C11orf68: variants seen among roughly 807,000 people sequenced by gnomAD.
C11orf68 encodes chromosome 11 open reading frame 68.
Under a neutral mutation model 4.7 loss-of-function variants are expected in C11orf68, and 3 were observed. The observed-to-expected ratio is 0.64, with a 90% CI of 0.29 to 1.66. C11orf68 has a LOEUF of 1.66. Among genes scored for constraint, C11orf68 ranks in the 40% most tolerant of loss-of-function variants. C11orf68 has a pLI of 0.10. For missense variants in C11orf68, 422 were observed against 408.0 expected (o/e 1.03, Z -0.30); for synonymous variants, 186 against 167.8 (o/e 1.11, Z -0.84).
chr11:65,919,024 G>A lies in C11orf68; in HGVS notation c.8C>T (p.Ala3Val), dbSNP rs1286896979. Residue 3 changes from alanine to valine, a missense_variant, in exon 1 of 2, where the codon GCG becomes GTG. Ala to Val is a moderately conservative substitution (Grantham distance 64). Coordinates refer to ENST00000438576, the MANE Select transcript of C11orf68 (RefSeq NM_001135635.2). ...CCCCGCCACGGCCGCCGCCGCCGCC[G>A]CCGCCATCTTAGCGCCGCGCCACCT... The part of the protein sequence containing the change: MA[A>V]AAAAAVAGVG... 6.2e-6 allele frequency: 7 copies of A among 1,137,940 alleles called. No homozygotes were observed. The highest frequency in any genetic ancestry group is 7.5e-6 in the Non-Finnish European group (7 of 933,356). 70.5% of individuals were successfully genotyped at this position (1,137,940 alleles called of 1,614,324 possible). A position where few individuals can be genotyped will look rare whatever the true frequency, so the allele number is the denominator to read the frequency against.
intron 1 of C11orf68, among the ~76,000 whole-genome samples, chr11:65,918,689 G>A (rs530090736): frequency 1.2e-4 from 19 of 152,340 alleles, no homozygotes; most frequent in Admixed American, 2.6e-4. Flanking sequence ...CTCCCAGGCA[G>A]GCGTTATCGG....
chr11:65,917,852 G>T lies in C11orf68; in HGVS notation c.489C>A (p.Thr163=), dbSNP rs753540562. The part of the protein sequence containing the change: ...TPGTLRQLAI[T]HHVLSGKWLM... Reference sequence around the variant, plus strand: ...GCCACTTGCCCGAGAGCACGTGGTGGGTGATGGCGAGCTGGCGCAGGGTAC... The same window carrying T: ...GCCACTTGCCCGAGAGCACGTGGTGTGTGATGGCGAGCTGGCGCAGGGTAC... The change falls in exon 2 of 2, where the codon ACC becomes ACA. Residue 163 remains threonine, a synonymous_variant. Coordinates refer to ENST00000438576, the MANE Select transcript of C11orf68 (RefSeq NM_001135635.2). 1.2e-6 allele frequency: 2 copies of T among 1,611,742 alleles called. No individual in the cohort carries two copies. The highest frequency in any genetic ancestry group is 3.3e-5 in the Admixed American group (2 of 60,004).
At chr11:65,918,878 C>A in intron 1 of C11orf68, 32 bp downstream of exon 1, 1 of 1,224,702 alleles carries the variant, frequency 8.2e-7, no homozygotes, top group Non-Finnish European at 1.0e-6. Context: ...CCGCCCCGGC[C>A]CTGCCCTGCC....
chr11:65,918,406 T>C, intron 1 of C11orf68, 188 bp from the exon 2 acceptor site: 1 of 610,046 alleles, frequency 1.6e-6, no homozygotes, highest in Non-Finnish European at 2.6e-6. Flanking sequence ...GAGTCAGCGC[T>C]CCAGAAGGGT....
Position 65,918,218 on chromosome 11 carries a change from G to A in C11orf68, c.123C>T (p.Ser41=). The A allele has an allele frequency of 6.6e-7, 1 of 1,515,086 alleles. No homozygotes were observed. 93.9% of individuals were successfully genotyped at this position (1,515,086 alleles called of 1,614,324 possible). Reference sequence around the variant, plus strand: ...CCAGCTCCTCACCTGGTTCCATCCTGCTGTGAGGGAACCGAGTCAGGGCAG... The same window carrying A: ...CCAGCTCCTCACCTGGTTCCATCCTACTGTGAGGGAACCGAGTCAGGGCAG... ...WAGVERSEGR[S]RMEPGEELEE... is the part of the protein sequence containing the mutation. The change falls in exon 2 of 2, where the codon AGC becomes AGT. Residue 41 remains serine (S), a splice_region_variant and synonymous_variant. Transcript: ENST00000438576.
Position 65,919,007 on chromosome 11 carries a change from C to CA in C11orf68, c.24_25insT (p.Val9CysfsTer39), listed in dbSNP as rs1565297406. On this transcript the variant is annotated frameshift_variant, in exon 1 of 2. Coordinates refer to ENST00000438576, the MANE Select transcript of C11orf68 (RefSeq NM_001135635.2). LOFTEE classifies it high-confidence loss of function. ...CCGCCACCGCGCCCCACCCCCGCCA[C>CA]GGCCGCCGCCGCCGCCGCCGCCATC... 8.7e-7 allele frequency: 1 copy of CA among 1,150,598 alleles called. No individual in the cohort carries two copies. Among genetic ancestry groups the CA allele is most frequent in the East Asian group, 4.7e-5 (1 of 21,500 alleles). The allele number at this position is 1,150,598 out of a possible 1,614,324, so 71.3% of individuals were successfully genotyped here. A position where few individuals can be genotyped will look rare whatever the true frequency, so the allele number is the denominator to read the frequency against.
rs377327384 is a variant in C11orf68, at chr11:65,917,448, A to G, written c.*11T>C. 83 of 1,591,278 alleles carry G rather than the reference A, an allele frequency of 5.2e-5. No individual in the cohort carries two copies. The highest frequency in any genetic ancestry group is 1.2e-4 in the Admixed American group (7 of 58,410). ...GAGGGGGGAGTGGGCAGTCTCCCCA[A>G]TTTGGCCCCCCTAGGTCAGTTCCAC... On this transcript the variant is annotated 3_prime_UTR_variant, in exon 2 of 2. Coordinates refer to ENST00000438576, the MANE Select transcript of C11orf68 (RefSeq NM_001135635.2).
At chr11:65,918,443 A>C (rs1329418718) in intron 1 of C11orf68, 4 of 485,386 alleles carry the variant, frequency 8.2e-6, no homozygotes, top group Non-Finnish European at 1.4e-5. Flanking sequence ...ATTCTCCTTG[A>C]CTTACAGAAA....
In C11orf68 at chr11:65,919,048, C is replaced by T; in HGVS notation, c.-17G>A. The stretch of plus-strand genomic sequence containing the variant: ...CGCCGCCATCTTAGCGCCGCGCCAC[C>T]TCAACAACAACTTTATAGACAGGCG... On this transcript the variant is annotated 5_prime_UTR_variant, in exon 1 of 2. Transcript: ENST00000438576. 8.8e-7 allele frequency: 1 copy of T among 1,136,750 alleles called. No individual in the cohort carries two copies. Among genetic ancestry groups the T allele is most frequent in the Non-Finnish European group, 1.1e-6 (1 of 932,274 alleles). The allele number at this position is 1,136,750 out of a possible 1,614,324, so 70.4% of individuals were successfully genotyped here. A position where few individuals can be genotyped will look rare whatever the true frequency, so the allele number is the denominator to read the frequency against.
rs1312037909 is a variant in C11orf68, at chr11:65,917,388, CAAGGAGGAAGA to C, written c.*60_*70del. 1 of 1,534,468 alleles carries C rather than the reference CAAGGAGGAAGA, an allele frequency of 6.5e-7. No individual in the cohort carries two copies. On this transcript the variant is annotated 3_prime_UTR_variant, in exon 2 of 2. Coordinates refer to ENST00000438576, the MANE Select transcript of C11orf68 (RefSeq NM_001135635.2). Reference sequence around the variant, plus strand: ...GCTGGGGGGTGTGGCCTTCATAGGACAAGGAGGAAGACAGGAGGATCCAACCCCAGCATGGA... The same window carrying C: ...GCTGGGGGGTGTGGCCTTCATAGGACCAGGAGGATCCAACCCCAGCATGGA...
At position 65,917,565 on chromosome 11, in the gene C11orf68, T is replaced by G. The variant is rs780865302; in HGVS notation, c.776A>C (p.Asn259Thr). 6.2e-7 allele frequency: 1 copy of G among 1,614,094 alleles called. No homozygotes were observed. The highest frequency in any genetic ancestry group is 1.1e-5 in the South Asian group (1 of 91,086). The change falls in exon 2 of 2, where the codon AAT (asparagine) becomes ACT (threonine). Residue 259 changes from asparagine to threonine, a missense_variant. Transcript: ENST00000438576. The part of the protein sequence containing the change: ...VYTYLGIYRA[N>T]RWHLCPTLYE... ...GAGAGTGGGGCAGAGGTGCCAGCGA[T>G]TGGCCCGGTAGATGCCCAGGTAGGT...
In C11orf68 at chr11:65,918,086, G is replaced by A. The variant is rs762368596; in HGVS notation, c.255C>T (p.Arg85=). 10 of 1,610,994 alleles carry A rather than the reference G, an allele frequency of 6.2e-6. No individual in the cohort carries two copies. In the African/African-American group the frequency reaches 8.0e-5, roughly 13 times the overall value. The change falls in exon 2 of 2, where the codon CGC becomes CGT. Residue 85 remains arginine, a synonymous_variant. Transcript: ENST00000438576. ...DMDPWLVFDA[R]TTPATELDAW... is the part of the protein sequence containing the mutation. ...CATCCAGCTCAGTGGCAGGCGTTGT[G>A]CGGGCATCAAACACTAGCCAGGGGT...
chr11:65,918,168 C>T lies in C11orf68; in HGVS notation c.173G>A (p.Arg58His), dbSNP rs1271478277. The T allele has an allele frequency of 1.3e-6, 2 of 1,556,656 alleles. No homozygotes were observed. Among genetic ancestry groups the T allele is most frequent in the Middle Eastern group, 1.7e-4 (1 of 5,796 alleles). Residue 58 changes from arginine (R) to histidine (H), a missense_variant, in exon 2 of 2, where the codon CGT (arginine) becomes CAT (histidine). Transcript: ENST00000438576. The stretch of plus-strand genomic sequence containing the variant: ...GTGCTCGGCGGTGAAGCCATCCTCA[C>T]GGCCACCTGGAGAGCCCTCCTCTTC... ...ELEEEGSPGG[R>H]EDGFTAEHLA...
At position 65,917,778 on chromosome 11, in the gene C11orf68, A is replaced by T; in HGVS notation, c.563T>A (p.Ile188Asn). Residue 188 changes from isoleucine to asparagine, a missense_variant, in exon 2 of 2, where the codon ATT becomes AAT. Transcript: ENST00000438576. ...CTGGCCTTCAACCACGGCCCGGGCAATGCCAGCCCAGGCGTGGTCCAGCTT... is the reference window on the plus strand; with the variant it reads ...CTGGCCTTCAACCACGGCCCGGGCATTGCCAGCCCAGGCGTGGTCCAGCTT... ...GFKLDHAWAG[I>N]ARAVVEGQLQ... 6.2e-7 allele frequency: 1 copy of T among 1,612,626 alleles called. No individual in the cohort carries two copies. The highest frequency in any genetic ancestry group is 8.5e-7 in the Non-Finnish European group (1 of 1,179,828).
Position 65,918,982 on chromosome 11 carries a change from C to G in C11orf68, c.50G>C (p.Gly17Ala), listed in dbSNP as rs899539361. Residue 17 changes from glycine (G) to alanine (A), a missense_variant, in exon 1 of 2, where the codon GGT becomes GCT. Physicochemically the swap from Gly to Ala is moderately conservative, Grantham distance 60. Transcript: ENST00000438576. The part of the protein sequence containing the change: ...AAVAGVGRGG[G>A]GAEPRQERSR... ...CCGCTCCTGCCGTGGCTCCGCGCCA[C>G]CGCCACCGCGCCCCACCCCCGCCAC... 1 of 1,178,816 alleles carries G rather than the reference C, an allele frequency of 8.5e-7. No individual in the cohort carries two copies. The allele number at this position is 1,178,816 out of a possible 1,614,324, so 73.0% of individuals were successfully genotyped here.
chr11:65,917,087 C>T lies in C11orf68; in HGVS notation c.*372G>A, dbSNP rs1854467362. On this transcript the variant is annotated 3_prime_UTR_variant, in exon 2 of 2. Transcript: ENST00000438576. The stretch of plus-strand genomic sequence containing the variant: ...GGGCTGGAAGCACTAAGTTTTCTCT[C>T]TCCTGAGGGGGAAGGAAAGAAGGGG... The T allele has an allele frequency of 4.5e-6, 1 of 222,302 alleles. No individual in the cohort carries two copies. The highest frequency in any genetic ancestry group is 9.0e-6 in the Non-Finnish European group (1 of 110,574). The allele number at this position is 222,302 out of a possible 1,614,324, so 13.8% of individuals were successfully genotyped here.
chr11:65,917,651 C>G lies in C11orf68; in HGVS notation c.690G>C (p.Ala230=), dbSNP rs762790127. 2 of 1,614,018 alleles carry G rather than the reference C, an allele frequency of 1.2e-6. No homozygotes were observed. The highest frequency in any genetic ancestry group is 3.3e-5 in the Admixed American group (2 of 60,016). Residue 230 remains alanine, a synonymous_variant, in exon 2 of 2, where the codon GCG becomes GCC. Transcript: ENST00000438576. The part of the protein sequence containing the change: ...DFTDRLGVLE[A]DSAIRAAGIK... ...TGCCCGCTGCACGGATGGCTGAATC[C>G]GCCTCCAGTACACCCAAGCGGTCCG...
chr11:65,917,217 A>T lies in C11orf68; in HGVS notation c.*242T>A, dbSNP rs1349829407. ...ATGGTGCTGGGCAGTGGAGAGGAGC[A>T]GCATTACAAAGGGAGGCTGAAGGCT... On this transcript the variant is annotated 3_prime_UTR_variant, in exon 2 of 2. Transcript: ENST00000438576. 1.8e-6 allele frequency: 1 copy of T among 544,660 alleles called. No homozygotes were observed. The highest frequency in any genetic ancestry group is 3.4e-5 in the Admixed American group (1 of 29,476). The allele number at this position is 544,660 out of a possible 1,614,324, so 33.7% of individuals were successfully genotyped here.
chr11:65,918,651 T>A (rs1259239710), intron 1 of C11orf68, among the ~76,000 whole-genome samples: 1 of 152,072 alleles, frequency 6.6e-6, no homozygotes, highest in East Asian at 1.9e-4. Context: ...TTCGCGCAGC[T>A]CCCGAGGCCG....
Sources: gnomAD v4.1 joint callset for allele counts (sites outside exome capture counted in the v4.1 genomes callset) on GRCh38, gnomAD v4.1.1 for gene constraint, MANE v1.5 for transcripts, NCBI Gene and HGNC (gene_info 2026-07-23, HGNC 2026-07-21) for gene names.